RBMS3: variants seen among roughly 807,000 people sequenced by gnomAD.
The protein encoded by RBMS3 is RNA binding motif single stranded interacting protein 3, also known as RNA-binding motif, single-stranded-interacting protein 3.
In RBMS3, 27 loss-of-function variants were observed where a neutral mutation model predicts 66.8. That is an observed-to-expected ratio of 0.40 (90% confidence interval 0.30 to 0.56). RBMS3 has a LOEUF of 0.56. RBMS3 is among the 20% of genes least tolerant of loss of function. RBMS3 has a pLI of 0.40. For missense variants in RBMS3, 513 were observed against 549.5 expected, an observed-to-expected ratio of 0.93 and a Z score of 0.66; for synonymous variants, 188 against 183.0, an observed-to-expected ratio of 1.03 and a Z score of -0.22.
intron 1 of RBMS3, among the ~76,000 whole-genome samples, chr3:29,300,820 C>T (rs1032972845): frequency 6.6e-6 from 1 of 151,806 alleles, no homozygotes; most frequent in African/African-American, 2.4e-5. Context: ...AGAAGGAAGC[C>T]ATTGCAAGTT....
chr3:29,865,826 G>T (rs966201139), intron 6 of RBMS3, among the ~76,000 whole-genome samples: 9 of 152,036 alleles, frequency 5.9e-5, no homozygotes, highest in Non-Finnish European at 1.3e-4. Context: ...AGTGCAAACA[G>T]GTACGACAAG....
chr3:29,764,850 A>G (rs1405110756), intron 6 of RBMS3, among the ~76,000 whole-genome samples: 1 of 152,012 alleles, frequency 6.6e-6, no homozygotes, highest in Non-Finnish European at 1.5e-5. Flanking sequence ...ACCCAATGGA[A>G]ACATTGTGAA....
chr3:29,932,000 G>A (rs2061141961), intron 10 of RBMS3, among the ~76,000 whole-genome samples: 1 of 152,042 alleles, frequency 6.6e-6, no homozygotes, highest in African/African-American at 2.4e-5. Flanking sequence ...GAAAAAAAGG[G>A]ATGCTGTTTT....
chr3:29,888,066 G>A (rs1362106463), intron 8 of RBMS3, among the ~76,000 whole-genome samples: 9 of 151,648 alleles, frequency 5.9e-5, no homozygotes, highest in Admixed American at 5.9e-4. Flanking sequence ...CCCTATTGGA[G>A]TTGCTGCAGG....
At chr3:29,960,027 G>A (rs903268464) in intron 12 of RBMS3, among the ~76,000 whole-genome samples, 2 of 152,032 alleles carry the variant, frequency 1.3e-5, no homozygotes, top group African/African-American at 4.8e-5. Context: ...CTTTCCAACA[G>A]TCCTCCAAAG....
At chr3:29,686,625 CAG>C (rs2051744758) in intron 4 of RBMS3, among the ~76,000 whole-genome samples, 1 of 152,112 alleles carries the variant, frequency 6.6e-6, no homozygotes, top group Admixed American at 6.6e-5. Context: ...TTCTAAATTA[CAG>C]TGGGCTGTGA....
intron 14 of RBMS3, 100 bp downstream of exon 14, chr3:29,991,309 C>A: frequency 1.3e-6 from 2 of 1,547,672 alleles, no homozygotes; most frequent in Non-Finnish European, 8.7e-7. Context: ...TATAAACCAT[C>A]CCAAACTTAG....
At chr3:29,443,420 T>C (rs77474995) in intron 2 of RBMS3, among the ~76,000 whole-genome samples, 2,133 of 152,060 alleles carry the variant, frequency 0.014, 44 homozygotes, top group African/African-American at 0.045. Context: ...TATGAATAAA[T>C]AATTAAAAAA....
At chr3:29,442,892 C>T (rs2041678830) in intron 2 of RBMS3, among the ~76,000 whole-genome samples, 2 of 151,930 alleles carry the variant, frequency 1.3e-5, no homozygotes, top group Non-Finnish European at 2.9e-5. Flanking sequence ...CTTCTTCTAC[C>T]TGTCTCTTGA....
chr3:29,336,148 TCAAA>T (rs2125525604), intron 1 of RBMS3, among the ~76,000 whole-genome samples: 1 of 152,260 alleles, frequency 6.6e-6, no homozygotes, highest in East Asian at 1.9e-4. Flanking sequence ...AAAATAGTTC[TCAAA>T]CAAGTAAGAA....
At chr3:29,445,876 C>A (rs1338607219) in intron 2 of RBMS3, among the ~76,000 whole-genome samples, 1 of 151,960 alleles carries the variant, frequency 6.6e-6, no homozygotes, top group African/African-American at 2.4e-5. Context: ...TAAATATGTC[C>A]ACAGATTTTT....
At chr3:29,610,093 T>C (rs972084813) in intron 4 of RBMS3, among the ~76,000 whole-genome samples, 2 of 152,096 alleles carry the variant, frequency 1.3e-5, no homozygotes, top group East Asian at 3.9e-4. Context: ...CCTTTAAATC[T>C]TTATTCTAAA....
chr3:29,803,179 A>G (rs1469926946), intron 6 of RBMS3, among the ~76,000 whole-genome samples: 1 of 152,038 alleles, frequency 6.6e-6, no homozygotes, highest in Non-Finnish European at 1.5e-5. Flanking sequence ...TTCCCTTTTC[A>G]CTAGTTATAT....
chr3:29,898,899 G>A (rs2060188769), intron 9 of RBMS3, among the ~76,000 whole-genome samples: 1 of 151,482 alleles, frequency 6.6e-6, no homozygotes, highest in African/African-American at 2.4e-5. Flanking sequence ...CTCATAAGTG[G>A]AATTTAACTC....
intron 1 of RBMS3, among the ~76,000 whole-genome samples, chr3:29,329,043 T>G (rs73054464): frequency 0.096 from 14,558 of 152,184 alleles, 905 homozygotes; most frequent in Non-Finnish European, 0.14. Context: ...GCAATTTAAA[T>G]CAGTATTGTT....
In RBMS3 at chr3:29,485,529, G is replaced by T. The variant is rs563722343; in HGVS notation, c.249-2912G>T. Among the ~76,000 whole-genome samples, 17 of 152,246 alleles carry T rather than the reference G, an allele frequency of 1.1e-4. 2 individuals carry two copies. In the East Asian group the frequency reaches 3.1e-3, roughly 28 times the overall value. Reference sequence around the variant, plus strand: ...TTGGTGAATATGTAGGTATGGGGTTGCCAAAAAGCATCTTTGCAATGCTGT... The same window carrying T: ...TTGGTGAATATGTAGGTATGGGGTTTCCAAAAAGCATCTTTGCAATGCTGT... On this transcript the variant is annotated intron_variant, in intron 2 of 14. Coordinates refer to ENST00000383767, the MANE Select transcript of RBMS3 (RefSeq NM_001003793.3).
chr3:29,847,145 T>G (rs973071537), intron 6 of RBMS3, among the ~76,000 whole-genome samples: 1 of 152,218 alleles, frequency 6.6e-6, no homozygotes, highest in Non-Finnish European at 1.5e-5. Context: ...TGAATGAAGC[T>G]TTTTAGATTG....
intron 12 of RBMS3, among the ~76,000 whole-genome samples, chr3:29,973,047 G>C (rs924578839): frequency 1.3e-5 from 2 of 151,994 alleles, no homozygotes; most frequent in Non-Finnish European, 1.5e-5. Context: ...GAACTAACTA[G>C]ATAATAGATC....
intron 6 of RBMS3, among the ~76,000 whole-genome samples, chr3:29,824,078 A>T (rs7612600): frequency 0.5 from 75,910 of 151,002 alleles, 19,513 homozygotes; most frequent in Non-Finnish European, 0.55. Context: ...TTACATTTAA[A>T]CTAGTTGCTA....
Sources: gnomAD v4.1 joint callset for allele counts (sites outside exome capture counted in the v4.1 genomes callset) on GRCh38, gnomAD v4.1.1 for gene constraint, MANE v1.5 for transcripts, NCBI Gene and HGNC (gene_info 2026-07-23, HGNC 2026-07-21) for gene names.